The following HADH variants were observed in gnomAD, a reference collection of about 807,000 sequenced individuals.
HADH encodes hydroxyacyl-coenzyme A dehydrogenase, mitochondrial.
In HADH, 24 loss-of-function variants were observed where a neutral mutation model predicts 32.2. The observed-to-expected ratio is 0.75, with a 90% CI of 0.54 to 1.05. HADH has a LOEUF of 1.05. HADH is among the 50% of genes least tolerant of loss of function. The pLI is 0.00. For missense variants in HADH, 350 were observed against 397.1 expected, an observed-to-expected ratio of 0.88 and a Z score of 1.01; for synonymous variants, 139 against 152.5, an observed-to-expected ratio of 0.91 and a Z score of 0.65.
At chr4:108,032,272 A>G (rs998942394) in intron 6 of HADH, 16 of 1,138,244 alleles carry the variant, frequency 1.4e-5, no homozygotes, top group African/African-American at 7.5e-5. Flanking sequence ...GCCAAAGGAC[A>G]TAGTAAATTT....
intron 1 of HADH, among the ~76,000 whole-genome samples, chr4:107,997,572 G>A (rs952740138): frequency 2.0e-5 from 3 of 152,090 alleles, no homozygotes; most frequent in East Asian, 1.9e-4. Flanking sequence ...TGAAGCAGCC[G>A]TGTCTAAAAA....
chr4:108,004,378 A>G, intron 1 of HADH: 1 of 315,954 alleles, frequency 3.2e-6, no homozygotes, highest in Non-Finnish European at 6.2e-6. Context: ...CTGAGAAGCC[A>G]AGTGTTTTTG....
At position 108,034,945 on chromosome 4, in the gene HADH, T is replaced by C. The variant is rs1736412242; in HGVS notation, c.*588T>C. 6.0e-6 allele frequency: 1 copy of C among 165,490 alleles called. No individual in the cohort carries two copies. The highest frequency in any genetic ancestry group is 2.4e-5 in the African/African-American group (1 of 41,788). The allele number at this position is 165,490 out of a possible 1,614,324, so 10.3% of individuals were successfully genotyped here. A position where few individuals can be genotyped will look rare whatever the true frequency, so the allele number is the denominator to read the frequency against. On this transcript the variant is annotated 3_prime_UTR_variant, in exon 8 of 8. Coordinates refer to ENST00000309522, the MANE Select transcript of HADH (RefSeq NM_005327.7). The stretch of plus-strand genomic sequence containing the variant: ...GGTCAGCATATCTCTGTTTGCATGG[T>C]TTGCAGGAGGTCGGTTTTCATGGTC...
chr4:108,010,732 C>CACATTCAT (rs1157905380), intron 2 of HADH, among the ~76,000 whole-genome samples: 1 of 152,090 alleles, frequency 6.6e-6, no homozygotes, highest in Non-Finnish European at 1.5e-5. Context: ...ATTACACTCG[C>CACATTCAT]ACATTCATAC....
At chr4:108,022,167 A>ATGTG (rs60633286) in intron 4 of HADH, among the ~76,000 whole-genome samples, 8 of 124,962 alleles carry the variant, frequency 6.4e-5, no homozygotes, top group African/African-American at 2.0e-4. Flanking sequence ...ACATATATAT[A>ATGTG]TGTGTGTGTG....
At chr4:108,018,707 C>G (rs1420277699) in intron 3 of HADH, among the ~76,000 whole-genome samples, 1 of 152,160 alleles carries the variant, frequency 6.6e-6, no homozygotes, top group Non-Finnish European at 1.5e-5. Context: ...CTTTCCTTTC[C>G]TGCCCTGTTA....
In HADH at chr4:108,003,597, C is replaced by T. The variant is rs80208829; in HGVS notation, c.133-6162C>T. Among the ~76,000 whole-genome samples, 1,387 of 152,220 alleles carry T rather than the reference C, an allele frequency of 9.1e-3. 28 individuals carry two copies. The highest frequency in any genetic ancestry group is 0.032 in the African/African-American group (1,334 of 41,516). The stretch of plus-strand genomic sequence containing the variant: ...GTGATTAAGGAGGATCCTTTTCTTC[C>T]TCCCTTTTTATATGGAGCAGGATCC... On this transcript the variant is annotated intron_variant, in intron 1 of 7. Transcript: ENST00000309522.
In HADH at chr4:108,033,072, T is replaced by A. The variant is rs373586794; in HGVS notation, c.710-104T>A. On this transcript the variant is annotated intron_variant, in intron 6 of 7. Coordinates refer to ENST00000309522, the MANE Select transcript of HADH (RefSeq NM_005327.7). ...AAAGTCTCAGTCTAGGCATTTTTTT[T>A]ATTGTGCAAGCATATAAAATTCTAG... 6.4e-6 allele frequency: 5 copies of A among 782,944 alleles called. No individual in the cohort carries two copies. The African/African-American group carries it at 8.5e-5, about 13-fold the overall frequency. 48.5% of individuals were successfully genotyped at this position (782,944 alleles called of 1,614,324 possible). A position where few individuals can be genotyped will look rare whatever the true frequency, so the allele number is the denominator to read the frequency against.
At chr4:107,990,790 G>T (rs1237320691) in intron 1 of HADH, among the ~76,000 whole-genome samples, 3 of 145,752 alleles carry the variant, frequency 2.1e-5, no homozygotes, top group Admixed American at 6.9e-5. Context: ...TTTGACCCAG[G>T]CTGGAGTGGA....
chr4:107,998,611 G>C (rs1381741665), intron 1 of HADH, among the ~76,000 whole-genome samples: 1 of 152,150 alleles, frequency 6.6e-6, no homozygotes, highest in African/African-American at 2.4e-5. Context: ...TGAAGTTGGG[G>C]AGAAGGTGAG....
chr4:108,019,208 C>T (rs1213287880), intron 3 of HADH, among the ~76,000 whole-genome samples: 1 of 152,114 alleles, frequency 6.6e-6, no homozygotes, highest in Non-Finnish European at 1.5e-5. Flanking sequence ...ATCAATTAGC[C>T]ACCTCTTGTT....
intron 4 of HADH, among the ~76,000 whole-genome samples, chr4:108,019,895 T>C (rs912650735): frequency 6.6e-6 from 1 of 152,182 alleles, no homozygotes; most frequent in Non-Finnish European, 1.5e-5. Context: ...TGGAATGTCA[T>C]TTACTTATTT....
In HADH at chr4:108,034,636, C is replaced by A. The variant is rs1290272212; in HGVS notation, c.*279C>A. ...CCTTGGAGCAAACATGTTTTTTGAA[C>A]CTTGTCATTTTTGTGAAGAATTGCC... On this transcript the variant is annotated 3_prime_UTR_variant, in exon 8 of 8. Coordinates refer to ENST00000309522, the MANE Select transcript of HADH (RefSeq NM_005327.7). 3 of 382,930 alleles carry A rather than the reference C, an allele frequency of 7.8e-6. No homozygotes were observed. The highest frequency in any genetic ancestry group is 2.1e-5 in the African/African-American group (1 of 47,636). The allele number at this position is 382,930 out of a possible 1,614,324, so 23.7% of individuals were successfully genotyped here.
intron 1 of HADH, among the ~76,000 whole-genome samples, chr4:108,000,300 T>TTACA (rs1382596627): frequency 6.6e-6 from 1 of 152,230 alleles, no homozygotes; most frequent in Non-Finnish European, 1.5e-5. Context: ...TGTACAGCTA[T>TTACA]TACATATCAG....
At chr4:108,021,401 T>G (rs1333419563) in intron 4 of HADH, among the ~76,000 whole-genome samples, 1 of 152,222 alleles carries the variant, frequency 6.6e-6, no homozygotes, top group African/African-American at 2.4e-5. Context: ...TGTAAAAGTG[T>G]TCTTCTCTAT....
At position 107,989,920 on chromosome 4, in the gene HADH, C is replaced by A; in HGVS notation, c.-13C>A. On this transcript the variant is annotated 5_prime_UTR_variant, in exon 1 of 8. Coordinates refer to ENST00000309522, the MANE Select transcript of HADH (RefSeq NM_005327.7). Reference sequence around the variant, plus strand: ...TGCCCGGGTCTCCTCGCTGTCGCCGCCGCTGCCACACCATGGCCTTCGTCA... The same window carrying A: ...TGCCCGGGTCTCCTCGCTGTCGCCGACGCTGCCACACCATGGCCTTCGTCA... The A allele has an allele frequency of 6.2e-7, 1 of 1,611,194 alleles. No individual in the cohort carries two copies.
At chr4:108,021,079 GA>G (rs1735870467) in intron 4 of HADH, among the ~76,000 whole-genome samples, 1 of 152,048 alleles carries the variant, frequency 6.6e-6, no homozygotes. Context: ...ATTTTTTGAA[GA>G]AATTGAAGAA....
chr4:107,996,709 C>A (rs952788824), intron 1 of HADH, among the ~76,000 whole-genome samples: 1 of 152,124 alleles, frequency 6.6e-6, no homozygotes, highest in Non-Finnish European at 1.5e-5. Flanking sequence ...GCCTGGCCAA[C>A]AAAGTTAAAC....
chr4:107,990,027 T>C lies in HADH; in HGVS notation c.95T>C (p.Val32Ala), dbSNP rs749406566. ...AAGATAATCGTCAAGCACGTGACGG[T>C]CATCGGCGGCGGGCTGATGGGCGCC... ...AKKIIVKHVT[V>A]IGGGLMGAGI... Residue 32 changes from valine (V) to alanine (A), a missense_variant, in exon 1 of 8, where the codon GTC becomes GCC. Physicochemically the swap from Val to Ala is moderately conservative, Grantham distance 64. Coordinates refer to ENST00000309522, the MANE Select transcript of HADH (RefSeq NM_005327.7). 1 of 1,611,770 alleles carries C rather than the reference T, an allele frequency of 6.2e-7. No individual in the cohort carries two copies. Among genetic ancestry groups the C allele is most frequent in the South Asian group, 1.1e-5 (1 of 90,666 alleles).
Sources: allele counts gnomAD v4.1 joint callset (sites outside exome capture counted in the v4.1 genomes callset), GRCh38; gene constraint gnomAD v4.1.1; transcripts MANE v1.5; gene names NCBI Gene and HGNC (gene_info 2026-07-23, HGNC 2026-07-21).